Variants in PRAF2 observed in about 807,000 individuals in gnomAD.
The protein encoded by PRAF2 is PRA1 family protein 2.
PRAF2 carries 5 observed loss-of-function variants against 9.7 expected under a neutral mutation model. The observed-to-expected ratio is 0.51, with a 90% CI of 0.27 to 1.08. PRAF2 has a LOEUF of 1.08. Ranked by LOEUF, PRAF2 falls within the 50% of genes least tolerant of loss-of-function variation. The probability of loss-of-function intolerance (pLI) is 0.12; values close to 1 mark genes in which losing one functional copy is unlikely to be tolerated. For missense variants in PRAF2, 135 were observed against 160.7 expected, an observed-to-expected ratio of 0.84 and a Z score of 0.86; for synonymous variants, 61 against 76.6, an observed-to-expected ratio of 0.80 and a Z score of 1.06.
At position 49,071,590 on chromosome X, in the gene PRAF2, A is replaced by G. The variant is rs1193670954; in HGVS notation, c.*279T>C. The G allele has an allele frequency of 8.7e-5, 14 of 160,169 alleles. No individual in the cohort carries two copies. The highest frequency in any genetic ancestry group is 1.5e-4 in the Non-Finnish European group (14 of 95,442). The allele number at this position is 160,169 out of a possible 1,213,427, so 13.2% of individuals were successfully genotyped here. On this transcript the variant is annotated 3_prime_UTR_variant, in exon 3 of 3. Coordinates refer to ENST00000553851, the MANE Select transcript of PRAF2 (RefSeq NM_007213.3). The stretch of plus-strand genomic sequence containing the variant: ...GTTCACAATTTGAAATTGGCCATGG[A>G]TGCTCTGGCCTGAAGCCAGTTTTGG...
Position 49,072,465 on chromosome X carries a change from G to C in PRAF2, c.365C>G (p.Thr122Ser), listed in dbSNP as rs933444028. 29 of 1,193,655 alleles carry C rather than the reference G, an allele frequency of 2.4e-5. No homozygotes were observed. Among genetic ancestry groups the C allele is most frequent in the Non-Finnish European group, 3.2e-5 (28 of 887,499 alleles). ...CGGCCCGGCGATGCTGAACAGGAAG[G>C]TGCAAGCGCCGCCCGCGACCCAGAG... Reference protein sequence around the residue: ...LVLWVAGGACTFLFSIAGPVL... With the variant: ...LVLWVAGGACSFLFSIAGPVL... Residue 122 changes from threonine to serine, a missense_variant, in exon 2 of 3, where the codon ACC (threonine) becomes AGC (serine). Transcript: ENST00000553851.
At chrX:49,072,200 G>A (rs1050476290) in intron 2 of PRAF2, 192 bp from the exon 3 acceptor site, 4 of 621,400 alleles carry the variant, frequency 6.4e-6, no homozygotes, top group Non-Finnish European at 9.7e-6. Flanking sequence ...GCCCGGTAAC[G>A]GGGACGTGGC....
chrX:49,072,320 G>T, intron 2 of PRAF2, 113 bp downstream of exon 2: 1 of 928,402 alleles, frequency 1.1e-6, no homozygotes, highest in Non-Finnish European at 1.5e-6. Context: ...GGGGCGTGGC[G>T]AGGCCCTCGG....
rs997561750 is a variant in PRAF2 at position 49,071,829 on chromosome X, G to A, written c.*40C>T. On this transcript the variant is annotated 3_prime_UTR_variant, in exon 3 of 3. Transcript: ENST00000553851. ...GGGTCCCAATTATGGGCTGGGGGTG[G>A]GGTGGTATTCTCCAGGTCCTGGGTA... 2 of 1,171,203 alleles carry A rather than the reference G, an allele frequency of 1.7e-6. No individual in the cohort carries two copies. The highest frequency in any genetic ancestry group is 3.6e-5 in the African/African-American group (2 of 55,432).
At chrX:49,073,099 A>G (rs782657243) in intron 1 of PRAF2, among the ~76,000 whole-genome samples, 1 of 110,770 alleles carries the variant, frequency 9.0e-6, no homozygotes, top group African/African-American at 3.3e-5. Flanking sequence ...ACCGCCCTCC[A>G]GGCTCCCATT....
Position 49,072,513 on chromosome X carries a change from ACTGCGGCCAGGCAGGCTGCAGGGTGG to A in PRAF2, c.291_316del (p.His98AlafsTer40). On this transcript the variant is annotated frameshift_variant, in exon 2 of 3. Coordinates refer to ENST00000553851, the MANE Select transcript of PRAF2 (RefSeq NM_007213.3). LOFTEE classifies it high-confidence loss of function. ...GAGCACCAGGAGGCCGACGGCAAGC[ACTGCGGCCAGGCAGGCTGCAGGGTGG>A]CTGCGGCGGCAGCGGCGCACAGCTG... is the stretch of plus-strand genomic sequence containing the variant. 2.5e-6 allele frequency: 3 copies of A among 1,186,341 alleles called. No homozygotes were observed. The highest frequency in any genetic ancestry group is 3.4e-6 in the Non-Finnish European group (3 of 882,913).
At chrX:49,072,412 C>A in intron 2 of PRAF2, 21 bp downstream of exon 2, 1 of 1,179,752 alleles carries the variant, frequency 8.5e-7, no homozygotes, top group Non-Finnish European at 1.1e-6. Context: ...TCCTGGCTAT[C>A]TCGGGGTAGT....
chrX:49,071,828 G>A lies in PRAF2; in HGVS notation c.*41C>T. On this transcript the variant is annotated 3_prime_UTR_variant, in exon 3 of 3. Coordinates refer to ENST00000553851, the MANE Select transcript of PRAF2 (RefSeq NM_007213.3). ...TGGGTCCCAATTATGGGCTGGGGGT[G>A]GGGTGGTATTCTCCAGGTCCTGGGT... The A allele has an allele frequency of 8.5e-7, 1 of 1,172,142 alleles. No homozygotes were observed. Among genetic ancestry groups the A allele is most frequent in the Non-Finnish European group, 1.1e-6 (1 of 875,761 alleles).
At chrX:49,073,773 A>G (rs1557083539) in intron 1 of PRAF2, 36 bp downstream of exon 1, 4 of 1,204,631 alleles carry the variant, frequency 3.3e-6, no homozygotes, top group Non-Finnish European at 4.5e-6. Flanking sequence ...CACGCTCTGC[A>G]GACGTCCCTG....
chrX:49,071,793 G>T lies in PRAF2; in HGVS notation c.*76C>A. 9.1e-7 allele frequency: 1 copy of T among 1,099,163 alleles called. No individual in the cohort carries two copies. The highest frequency in any genetic ancestry group is 1.2e-6 in the Non-Finnish European group (1 of 834,974). 90.6% of individuals were successfully genotyped at this position (1,099,163 alleles called of 1,213,427 possible). A position where few individuals can be genotyped will look rare whatever the true frequency, so the allele number is the denominator to read the frequency against. On this transcript the variant is annotated 3_prime_UTR_variant, in exon 3 of 3. Coordinates refer to ENST00000553851, the MANE Select transcript of PRAF2 (RefSeq NM_007213.3). ...TCTAGGCTCCTGTTTTAAGTGCTGG[G>T]AAAGGGCTCTGGGTCCCAATTATGG...
At chrX:49,072,252 G>A (rs1481813966) in intron 2 of PRAF2, 181 bp downstream of exon 2, 2 of 606,459 alleles carry the variant, frequency 3.3e-6, no homozygotes, top group African/African-American at 4.6e-5. Flanking sequence ...TAGGAAAGGC[G>A]ATAATAAAAG....
rs1557083156 is a variant in PRAF2, at chrX:49,071,845, G to A, written c.*24C>T. 1.1e-5 allele frequency: 13 copies of A among 1,189,059 alleles called. No homozygotes were observed. Among genetic ancestry groups the A allele is most frequent in the African/African-American group, 1.8e-5 (1 of 56,110 alleles). On this transcript the variant is annotated 3_prime_UTR_variant, in exon 3 of 3. Coordinates refer to ENST00000553851, the MANE Select transcript of PRAF2 (RefSeq NM_007213.3). ...CTGGGGGTGGGGTGGTATTCTCCAGGTCCTGGGTACAGATCCCAGGGGCCT... is the reference window on the plus strand; with the variant it reads ...CTGGGGGTGGGGTGGTATTCTCCAGATCCTGGGTACAGATCCCAGGGGCCT...
At position 49,071,861 on chromosome X, in the gene PRAF2, C is replaced by T; in HGVS notation, c.*8G>A. ...ATTCTCCAGGTCCTGGGTACAGATC[C>T]CAGGGGCCTAGGATCCAGCCTCCTG... On this transcript the variant is annotated 3_prime_UTR_variant, in exon 3 of 3. Transcript: ENST00000553851. 5.8e-6 allele frequency: 7 copies of T among 1,204,029 alleles called. No individual in the cohort carries two copies. The highest frequency in any genetic ancestry group is 7.8e-6 in the Non-Finnish European group (7 of 892,174).
chrX:49,072,064 C>G (rs2065013073), intron 2 of PRAF2, 56 bp from the exon 3 acceptor site: 4 of 1,149,050 alleles, frequency 3.5e-6, no homozygotes, highest in Non-Finnish European at 3.5e-6. Context: ...CTGCAGCCAA[C>G]CGGGGCCCAC....
At chrX:49,072,768 A>AGTG in intron 1 of PRAF2, 118 bp from the exon 2 acceptor site, 3 of 699,132 alleles carry the variant, frequency 4.3e-6, no homozygotes, top group Non-Finnish European at 6.5e-6. Context: ...AGCCTGGCAC[A>AGTG]TCCTCCCACC....
intron 1 of PRAF2, 110 bp from the exon 2 acceptor site, chrX:49,072,760 C>A: frequency 1.4e-6 from 1 of 735,229 alleles, no homozygotes; most frequent in Non-Finnish European, 2.0e-6. Context: ...GACACTCCAG[C>A]CTGGCACATC....
chrX:49,072,038 T>G, intron 2 of PRAF2, 30 bp from the exon 3 acceptor site: 1 of 1,184,469 alleles, frequency 8.4e-7, no homozygotes, highest in Non-Finnish European at 1.1e-6. Flanking sequence ...GGGTGGTCAG[T>G]GGAATAGACC....
At position 49,071,690 on chromosome X, in the gene PRAF2, G is replaced by T; in HGVS notation, c.*179C>A. 1 of 457,770 alleles carries T rather than the reference G, an allele frequency of 2.2e-6. No homozygotes were observed. Among genetic ancestry groups the T allele is most frequent in the Non-Finnish European group, 3.5e-6 (1 of 283,172 alleles). The allele number at this position is 457,770 out of a possible 1,213,427, so 37.7% of individuals were successfully genotyped here. Reference sequence around the variant, plus strand: ...CTTGTCCCTAGGTAATGGGGGCTGGGTGTGAGGGATATCTTAGTTTGGGGC... The same window carrying T: ...CTTGTCCCTAGGTAATGGGGGCTGGTTGTGAGGGATATCTTAGTTTGGGGC... On this transcript the variant is annotated 3_prime_UTR_variant, in exon 3 of 3. Coordinates refer to ENST00000553851, the MANE Select transcript of PRAF2 (RefSeq NM_007213.3).
At chrX:49,072,118 GC>G in intron 2 of PRAF2, 110 bp from the exon 3 acceptor site, 1 of 948,405 alleles carries the variant, frequency 1.1e-6, no homozygotes, top group Non-Finnish European at 1.4e-6. Context: ...GTGGTGAGCA[GC>G]CAGGACGCCT....
Sources: gnomAD v4.1 joint callset for allele counts (sites outside exome capture counted in the v4.1 genomes callset) on GRCh38, gnomAD v4.1.1 for gene constraint, MANE v1.5 for transcripts, NCBI Gene and HGNC (gene_info 2026-07-23, HGNC 2026-07-21) for gene names.